ARHGAP31: variants seen among roughly 807,000 people sequenced by gnomAD.
ARHGAP31 encodes rho GTPase-activating protein 31.
A neutral mutation model predicts 113.9 loss-of-function variants in ARHGAP31; 34 were observed. The ratio of observed to expected loss-of-function variants is 0.30; its 90% CI spans 0.23 to 0.40. ARHGAP31 has a LOEUF of 0.40. Ranked by LOEUF, ARHGAP31 falls within the 10% of genes least tolerant of loss-of-function variation. The pLI, the probability that ARHGAP31 is intolerant of heterozygous loss-of-function variation, is 1.00. For missense variants in ARHGAP31, 1,548 were observed against 1,767.1 expected, an observed-to-expected ratio of 0.88 and a Z score of 2.22; for synonymous variants, 650 against 684.8, an observed-to-expected ratio of 0.95 and a Z score of 0.79.
chr3:119,364,900 C>T (rs2080240196), intron 1 of ARHGAP31, among the ~76,000 whole-genome samples: 1 of 152,146 alleles, frequency 6.6e-6, no homozygotes, highest in Non-Finnish European at 1.5e-5. Flanking sequence ...GGAGACCAGC[C>T]TGGTCAACAT....
At chr3:119,316,596 A>G (rs955617356) in intron 1 of ARHGAP31, among the ~76,000 whole-genome samples, 11 of 152,192 alleles carry the variant, frequency 7.2e-5, no homozygotes, top group African/African-American at 2.7e-4. Flanking sequence ...TGTTGGTGAA[A>G]TAGTTGCTGT....
At chr3:119,332,625 TCTCTCTCTCTCACA>T (rs1223988893) in intron 1 of ARHGAP31, among the ~76,000 whole-genome samples, 42 of 119,854 alleles carry the variant, frequency 3.5e-4, no homozygotes, top group African/African-American at 1.6e-3. Context: ...TCTCTCTCTC[TCTCTCTCTCTCACA>T]CACACACACA....
In ARHGAP31 at chr3:119,414,813, A is replaced by C; in HGVS notation, c.2884A>C (p.Lys962Gln). 7 of 1,614,250 alleles carry C rather than the reference A, an allele frequency of 4.3e-6. No homozygotes were observed. Among genetic ancestry groups the C allele is most frequent in the Non-Finnish European group, 5.1e-6 (6 of 1,180,042 alleles). Residue 962 changes from lysine to glutamine, a missense_variant, in exon 12 of 12, where the codon AAA (lysine) becomes CAA (glutamine). Physicochemically the swap from Lys to Gln is moderately conservative, Grantham distance 53. Transcript: ENST00000264245. ...SHSLDSKPTV[K>Q]SQWTLEVPSS... Reference sequence around the variant, plus strand: ...TTCTCTAGATAGCAAACCCACGGTTAAAAGCCAGTGGACTCTCGAGGTTCC... The same window carrying C: ...TTCTCTAGATAGCAAACCCACGGTTCAAAGCCAGTGGACTCTCGAGGTTCC...
rs10049221 is a variant in ARHGAP31, at chr3:119,382,285, A to G, written c.432-7A>G. On this transcript the variant is annotated splice_region_variant and splice_polypyrimidine_tract_variant and intron_variant, in intron 4 of 11. Transcript: ENST00000264245. Reference sequence around the variant, plus strand: ...TTCTTACTTTGTCAAAAAACAAACCATTCTAGGACCTTGGAATACCTGATT... The same window carrying G: ...TTCTTACTTTGTCAAAAAACAAACCGTTCTAGGACCTTGGAATACCTGATT... 21,270 of 1,613,950 alleles carry G rather than the reference A, an allele frequency of 0.013. 193 individuals are homozygous for G. Among genetic ancestry groups the G allele is most frequent in the Non-Finnish European group, 0.017 (20,026 of 1,179,804 alleles).
chr3:119,355,157 C>G (rs2080144395), intron 1 of ARHGAP31, among the ~76,000 whole-genome samples: 1 of 152,208 alleles, frequency 6.6e-6, no homozygotes, highest in Non-Finnish European at 1.5e-5. Flanking sequence ...TGGCAGCACA[C>G]ACACCTGGGT....
chr3:119,332,635 T>TCTCTCTCTCTCTCTCTCTCA (rs1403595583), intron 1 of ARHGAP31, among the ~76,000 whole-genome samples: 1 of 85,664 alleles, frequency 1.2e-5, no homozygotes, highest in Non-Finnish European at 2.1e-5. Context: ...TCTCTCTCTC[T>TCTCTCTCTCTCTCTCTCTCA]CACACACACA....
intron 7 of ARHGAP31, among the ~76,000 whole-genome samples, chr3:119,391,246 T>C (rs1426262756): frequency 6.6e-6 from 1 of 152,200 alleles, no homozygotes; most frequent in Non-Finnish European, 1.5e-5. Flanking sequence ...GAGAGTATTA[T>C]AGGGGTCACA....
chr3:119,326,066 C>T (rs2079841066), intron 1 of ARHGAP31, among the ~76,000 whole-genome samples: 1 of 152,106 alleles, frequency 6.6e-6, no homozygotes, highest in Non-Finnish European at 1.5e-5. Context: ...GTGGTGGGCG[C>T]CTGTAATCCC....
Position 119,300,538 on chromosome 3 carries a change from C to T in ARHGAP31, c.100+5534C>T, listed in dbSNP as rs528578218. ...TAAAGGGCCCTCAAAAGGCCTAAGA[C>T]ACAGCCACAGCTGGGCATGGTGGCT... On this transcript the variant is annotated intron_variant, in intron 1 of 11. Coordinates refer to ENST00000264245, the MANE Select transcript of ARHGAP31 (RefSeq NM_020754.4). Among the ~76,000 whole-genome samples the T allele has an allele frequency of 2.6e-5, 4 of 152,228 alleles. No individual in the cohort carries two copies. In the South Asian group the frequency reaches 8.3e-4, roughly 32 times the overall value.
intron 1 of ARHGAP31, among the ~76,000 whole-genome samples, chr3:119,336,221 G>A (rs1281451100): frequency 1.3e-5 from 2 of 152,188 alleles, no homozygotes; most frequent in Non-Finnish European, 2.9e-5. Context: ...GAAGTCTACA[G>A]AAGATTCATT....
chr3:119,361,519 G>A (rs536878087), intron 1 of ARHGAP31, among the ~76,000 whole-genome samples: 1 of 152,004 alleles, frequency 6.6e-6, no homozygotes, highest in South Asian at 2.1e-4. Flanking sequence ...GTAGCTGGGA[G>A]TACAGGCACC....
chr3:119,381,432 A>T (rs540935497), intron 4 of ARHGAP31, among the ~76,000 whole-genome samples: 1 of 152,214 alleles, frequency 6.6e-6, no homozygotes, highest in African/African-American at 2.4e-5. Context: ...TCATTCTCAC[A>T]GTTTAGCCCC....
intron 3 of ARHGAP31, among the ~76,000 whole-genome samples, chr3:119,379,461 G>C (rs2080376649): frequency 6.6e-6 from 1 of 152,200 alleles, no homozygotes; most frequent in South Asian, 2.1e-4. Context: ...TACTGACAGT[G>C]TGAAATTCAG....
At chr3:119,348,961 T>A (rs1480015877) in intron 1 of ARHGAP31, among the ~76,000 whole-genome samples, 2 of 152,208 alleles carry the variant, frequency 1.3e-5, no homozygotes, top group Non-Finnish European at 2.9e-5. Flanking sequence ...CTGAAATGAA[T>A]GCTGGTTCCC....
At position 119,389,988 on chromosome 3, in the gene ARHGAP31, CCA is replaced by C; in HGVS notation, c.683-790_683-789del. On this transcript the variant is annotated intron_variant, in intron 6 of 11. Transcript: ENST00000264245. ...TGCCTACTAGACACCAGTAGCACTG[CCA>C]CACACATTGATGACCATCAAAAATA... Among the ~76,000 whole-genome samples the C allele has an allele frequency of 2.6e-5, 4 of 152,284 alleles. No homozygotes were observed. The East Asian group carries it at 5.8e-4, about 22-fold the overall frequency.
rs112816880 is a variant in ARHGAP31, at chr3:119,322,963, T to A, written c.100+27959T>A. ...TTCCAGCCCTGCCCCCGCCCCGCAG[T>A]AGGGAACGGACTCGTTTCTGCCCCG... On this transcript the variant is annotated intron_variant, in intron 1 of 11. Coordinates refer to ENST00000264245, the MANE Select transcript of ARHGAP31 (RefSeq NM_020754.4). 4.1e-3 allele frequency among the ~76,000 whole-genome samples: 621 copies of A among 152,150 alleles called. 3 individuals carry two copies. The highest frequency in any genetic ancestry group is 0.014 in the African/African-American group (600 of 41,524).
intron 8 of ARHGAP31, among the ~76,000 whole-genome samples, chr3:119,397,841 C>G (rs2080565740): frequency 6.6e-6 from 1 of 152,164 alleles, no homozygotes; most frequent in Non-Finnish European, 1.5e-5. Context: ...GTTGCTGAGC[C>G]CTGATCCATC....
chr3:119,406,586 A>G (rs936627339), intron 10 of ARHGAP31, among the ~76,000 whole-genome samples: 1 of 152,200 alleles, frequency 6.6e-6, no homozygotes, highest in African/African-American at 2.4e-5. Flanking sequence ...CTTGCACCAC[A>G]TTCCCCCAAA....
At chr3:119,389,809 A>G (rs1345049967) in intron 6 of ARHGAP31, among the ~76,000 whole-genome samples, 1 of 152,266 alleles carries the variant, frequency 6.6e-6, no homozygotes, top group Non-Finnish European at 1.5e-5. Context: ...AAAACTGGCA[A>G]GGTCACCAAA....
Sources: gnomAD v4.1 joint callset for allele counts (sites outside exome capture counted in the v4.1 genomes callset) on GRCh38, gnomAD v4.1.1 for gene constraint, MANE v1.5 for transcripts, NCBI Gene and HGNC (gene_info 2026-07-23, HGNC 2026-07-21) for gene names.